Variants in NALCN observed in about 807,000 individuals in gnomAD.
NALCN encodes the protein sodium leak channel, non-selective.
In NALCN, 111 loss-of-function variants were observed where a neutral mutation model predicts 225.3. That is an observed-to-expected ratio of 0.49 (90% confidence interval 0.42 to 0.58). The LOEUF (loss-of-function observed/expected upper bound fraction) is 0.58. Among genes scored for constraint, NALCN ranks in the 20% least tolerant of loss-of-function variants. The probability of loss-of-function intolerance (pLI) is 0.00; values close to 1 mark genes in which losing one functional copy is unlikely to be tolerated. For missense variants in NALCN, 1,378 were observed against 2,202.4 expected (o/e 0.63, Z 7.49); for synonymous variants, 764 against 769.0 (o/e 0.99, Z 0.11).
intron 1 of NALCN, among the ~76,000 whole-genome samples, chr13:101,411,745 G>T (rs1221666760): frequency 6.6e-6 from 1 of 152,102 alleles, no homozygotes; most frequent in Non-Finnish European, 1.5e-5. Context: ...CAACTTTTAT[G>T]ACTTTACGGT....
At chr13:101,194,446 G>A (rs1355611772) in intron 13 of NALCN, among the ~76,000 whole-genome samples, 1 of 152,194 alleles carries the variant, frequency 6.6e-6, no homozygotes, top group Non-Finnish European at 1.5e-5. Flanking sequence ...TGTCTTGCTT[G>A]AAGGGTGCCT....
At chr13:101,145,115 C>T (rs1355413269) in intron 15 of NALCN, among the ~76,000 whole-genome samples, 1 of 151,996 alleles carries the variant, frequency 6.6e-6, no homozygotes, top group Non-Finnish European at 1.5e-5. Context: ...AACTTAACAA[C>T]AAAAAAACTA....
intron 13 of NALCN, among the ~76,000 whole-genome samples, chr13:101,215,656 C>T (rs1428166211): frequency 6.6e-6 from 1 of 151,200 alleles, no homozygotes; most frequent in Non-Finnish European, 1.5e-5. Flanking sequence ...CTTGGCCACA[C>T]AGCACTTCAC....
chr13:101,330,902 T>G (rs1356336142), intron 7 of NALCN, among the ~76,000 whole-genome samples: 1 of 152,188 alleles, frequency 6.6e-6, no homozygotes, highest in Non-Finnish European at 1.5e-5. Flanking sequence ...AGACATACCT[T>G]TACTTCTTCA....
At chr13:101,105,239 T>C (rs2035033809) in intron 22 of NALCN, among the ~76,000 whole-genome samples, 2 of 152,236 alleles carry the variant, frequency 1.3e-5, no homozygotes, top group African/African-American at 4.8e-5. Context: ...ACATGGGTAG[T>C]ACAAAATTAA....
chr13:101,109,347 G>C (rs750838116), intron 20 of NALCN, among the ~76,000 whole-genome samples: 26 of 152,136 alleles, frequency 1.7e-4, no homozygotes, highest in Non-Finnish European at 3.5e-4. Flanking sequence ...CATGTCTATA[G>C]GGTATTGGTG....
intron 12 of NALCN, among the ~76,000 whole-genome samples, chr13:101,231,321 T>C (rs2041339437): frequency 1.3e-5 from 2 of 152,182 alleles, no homozygotes; most frequent in African/African-American, 4.8e-5. Context: ...AAACCTTTAT[T>C]GATTACTATG....
intron 12 of NALCN, among the ~76,000 whole-genome samples, chr13:101,230,233 G>A (rs1189570190): frequency 6.6e-6 from 1 of 152,152 alleles, no homozygotes; most frequent in Non-Finnish European, 1.5e-5. Context: ...AAGCATTTGG[G>A]ATACAGATAC....
At chr13:101,181,960 CGTTTCTACTAAAA>C (rs2039247345) in intron 14 of NALCN, among the ~76,000 whole-genome samples, 1 of 151,766 alleles carries the variant, frequency 6.6e-6, no homozygotes, top group Non-Finnish European at 1.5e-5. Flanking sequence ...GGTGAAACCC[CGTTTCTACTAAAA>C]GTACAAAAAA....
At chr13:101,208,212 C>A (rs1016487631) in intron 13 of NALCN, among the ~76,000 whole-genome samples, 2 of 152,100 alleles carry the variant, frequency 1.3e-5, no homozygotes, top group African/African-American at 4.8e-5. Flanking sequence ...AAAGAACTCC[C>A]GACGGGAGGA....
intron 14 of NALCN, chr13:101,180,720 C>T (rs998874830): frequency 6.3e-5 from 14 of 222,290 alleles, no homozygotes; most frequent in African/African-American, 2.9e-4. Flanking sequence ...GGTTCTCTCC[C>T]CATCAGGTTC....
intron 3 of NALCN, among the ~76,000 whole-genome samples, chr13:101,387,227 CAAAAAAAA>C (rs747159185): frequency 2.1e-4 from 6 of 29,048 alleles, no homozygotes; most frequent in Admixed American, 3.2e-4. Context: ...GACTCCGTCT[CAAAAAAAA>C]AAAAAAAAAA....
intron 17 of NALCN, among the ~76,000 whole-genome samples, chr13:101,126,496 A>T (rs1006402679): frequency 4.1e-5 from 6 of 144,794 alleles, no homozygotes; most frequent in Non-Finnish European, 7.6e-5. Flanking sequence ...TTTTGGCATA[A>T]TTTTTTTTTT....
chr13:101,282,051 T>C (rs1021643595), intron 10 of NALCN, among the ~76,000 whole-genome samples: 3 of 152,184 alleles, frequency 2.0e-5, no homozygotes, highest in Non-Finnish European at 4.4e-5. Context: ...TTTTACACTG[T>C]TGGTGGGGAT....
chr13:101,240,080 G>C (rs1257393971), intron 11 of NALCN, among the ~76,000 whole-genome samples: 2 of 151,992 alleles, frequency 1.3e-5, no homozygotes, highest in African/African-American at 4.8e-5. Flanking sequence ...TATATATACT[G>C]CAAACATTTT....
chr13:101,134,752 C>T (rs1226343844), intron 17 of NALCN, among the ~76,000 whole-genome samples: 1 of 152,050 alleles, frequency 6.6e-6, no homozygotes, highest in Non-Finnish European at 1.5e-5. Context: ...AATGTTTCGG[C>T]CACTAACACA....
At chr13:101,200,661 T>C (rs902915336) in intron 13 of NALCN, among the ~76,000 whole-genome samples, 2 of 152,108 alleles carry the variant, frequency 1.3e-5, no homozygotes, top group Non-Finnish European at 2.9e-5. Context: ...ACCCATGCCA[T>C]AGGGTCATGG....
intron 13 of NALCN, among the ~76,000 whole-genome samples, chr13:101,213,505 C>A (rs1057416798): frequency 1.3e-5 from 2 of 152,242 alleles, no homozygotes; most frequent in African/African-American, 4.8e-5. Context: ...TCAGAGTGAA[C>A]AGGCAACCTA....
chr13:101,369,392 A>G (rs761415979), intron 6 of NALCN, among the ~76,000 whole-genome samples: 1 of 152,142 alleles, frequency 6.6e-6, no homozygotes, highest in Non-Finnish European at 1.5e-5. Context: ...GCATTTTTTC[A>G]GTATCATTCT....
Sources: gnomAD v4.1 joint callset for allele counts (sites outside exome capture counted in the v4.1 genomes callset) on GRCh38, gnomAD v4.1.1 for gene constraint, MANE v1.5 for transcripts, NCBI Gene and HGNC (gene_info 2026-07-23, HGNC 2026-07-21) for gene names.